The following YME1L1 variants were observed in gnomAD, a reference collection of about 807,000 sequenced individuals.
The protein encoded by YME1L1 is ATP-dependent zinc metalloprotease YME1L1.
Under a neutral mutation model 90.4 loss-of-function variants are expected in YME1L1, and 39 were observed. The observed-to-expected ratio is 0.43, with a 90% confidence interval of 0.33 to 0.56. The LOEUF (loss-of-function observed/expected upper bound fraction) is 0.56. Among genes scored for constraint, YME1L1 ranks in the 20% least tolerant of loss-of-function variants. YME1L1 has a pLI of 0.03. For synonymous variants in YME1L1, 284 were observed against 287.3 expected, an observed-to-expected ratio of 0.99 and a Z score of 0.12; for missense variants, 617 against 868.4, an observed-to-expected ratio of 0.71 and a Z score of 3.64.
At chr10:27,130,696 A>C (rs151160877) in intron 8 of YME1L1, among the ~76,000 whole-genome samples, 47 of 152,278 alleles carry the variant, frequency 3.1e-4, no homozygotes, top group African/African-American at 1.1e-3. Flanking sequence ...TACTAAAAAC[A>C]CAAAAAATTA....
At chr10:27,130,039 T>G (rs2056961128) in intron 8 of YME1L1, among the ~76,000 whole-genome samples, 1 of 152,190 alleles carries the variant, frequency 6.6e-6, no homozygotes, top group African/African-American at 2.4e-5. Context: ...CTATTCCATC[T>G]CATTTCTTTC....
intron 3 of YME1L1, among the ~76,000 whole-genome samples, chr10:27,144,996 C>T (rs985088771): frequency 2.0e-5 from 3 of 152,052 alleles, no homozygotes; most frequent in African/African-American, 7.2e-5. Flanking sequence ...AAAAAATTAG[C>T]CGGGCGTGGT....
chr10:27,111,729 G>A lies in YME1L1; in HGVS notation c.*248C>T. ...AATAACTAATTGACATTCCTCAAAA[G>A]AGCTGTTTTCAATCCTGATAGTTCT... On this transcript the variant is annotated 3_prime_UTR_variant, in exon 19 of 19. Transcript: ENST00000376016. 1.8e-6 allele frequency: 1 copy of A among 562,568 alleles called. No individual in the cohort carries two copies. Among genetic ancestry groups the A allele is most frequent in the Non-Finnish European group, 3.2e-6 (1 of 310,936 alleles). 34.8% of individuals were successfully genotyped at this position (562,568 alleles called of 1,614,324 possible).
In YME1L1 at chr10:27,134,090, C is replaced by T. The variant is rs762357217; in HGVS notation, c.724G>A (p.Val242Ile). 1.1e-5 allele frequency: 18 copies of T among 1,613,082 alleles called. No homozygotes were observed. Among genetic ancestry groups the T allele is most frequent in the East Asian group, 2.2e-5 (1 of 44,866 alleles). Residue 242 changes from valine (V) to isoleucine (I), a missense_variant, in exon 7 of 19, where the codon GTT (valine) becomes ATT (isoleucine). Val to Ile is a conservative substitution (Grantham distance 29, BLOSUM62 3). Coordinates refer to ENST00000376016, the MANE Select transcript of YME1L1 (RefSeq NM_014263.4). The stretch of plus-strand genomic sequence containing the variant: ...CCATAAATGCCGAATAGCAGCAGAA[C>T]GAAGAGAATCAGACGGGTTCGCCTT... ...SLRRTRLILF[V>I]LLLFGIYGLL...
intron 5 of YME1L1, among the ~76,000 whole-genome samples, chr10:27,135,406 T>C (rs2057017371): frequency 6.6e-6 from 1 of 152,194 alleles, no homozygotes; most frequent in Non-Finnish European, 1.5e-5. Context: ...AAGTTTTCAG[T>C]CTACTGGAAA....
chr10:27,134,058 T>C lies in YME1L1; in HGVS notation c.756A>G (p.Leu252=). ...VLLLFGIYGL[L]KNPFLSVRFR... ...TTTTACCAGATAAAAATGGGTTTTT[T>C]AGAAGTCCATAAATGCCGAATAGCA... is the stretch of plus-strand genomic sequence containing the variant. The change falls in exon 7 of 19, where the codon CTA becomes CTG. Residue 252 remains leucine, a synonymous_variant. Coordinates refer to ENST00000376016, the MANE Select transcript of YME1L1 (RefSeq NM_014263.4). 2 of 1,613,328 alleles carry C rather than the reference T, an allele frequency of 1.2e-6. No individual in the cohort carries two copies. The highest frequency in any genetic ancestry group is 1.7e-6 in the Non-Finnish European group (2 of 1,179,808).
intron 1 of YME1L1, 93 bp downstream of exon 1, chr10:27,154,085 A>T: frequency 6.8e-7 from 1 of 1,466,814 alleles, no homozygotes. Flanking sequence ...TCATTTCTAG[A>T]GTCCCTTCTG....
At chr10:27,148,685 C>T (rs868183232) in intron 2 of YME1L1, among the ~76,000 whole-genome samples, 82 of 152,248 alleles carry the variant, frequency 5.4e-4, no homozygotes, top group African/African-American at 1.9e-3. Flanking sequence ...ATACAGTACA[C>T]AATACATAAA....
At chr10:27,112,167 C>G in intron 18 of YME1L1, 47 bp from the exon 19 acceptor site, 2 of 1,550,166 alleles carry the variant, frequency 1.3e-6, no homozygotes, top group Non-Finnish European at 1.7e-6. Context: ...TGCAGGGATG[C>G]GAAAACCAGT....
chr10:27,117,760 TAGAAAGGTATA>T, intron 14 of YME1L1, 33 bp from the exon 15 acceptor site: 2 of 1,605,550 alleles, frequency 1.2e-6, no homozygotes, highest in South Asian at 1.1e-5. Flanking sequence ...AATACTCCAT[TAGAAAGGTATA>T]TTTAAATCAA....
At chr10:27,112,141 C>G (rs1309158016) in intron 18 of YME1L1, 21 bp from the exon 19 acceptor site, 3 of 1,590,300 alleles carry the variant, frequency 1.9e-6, no homozygotes, top group Non-Finnish European at 2.6e-6. Context: ...AAAGGAGATA[C>G]GTAAGCAGCA....
At chr10:27,125,225 AAC>A (rs749302449) in intron 9 of YME1L1, among the ~76,000 whole-genome samples, 3 of 152,156 alleles carry the variant, frequency 2.0e-5, no homozygotes, top group Non-Finnish European at 4.4e-5. Flanking sequence ...AAAAACTGGA[AAC>A]CATATAAAAA....
At chr10:27,143,156 G>A (rs1055575655) in intron 3 of YME1L1, among the ~76,000 whole-genome samples, 4 of 149,114 alleles carry the variant, frequency 2.7e-5, no homozygotes, top group Non-Finnish European at 4.5e-5. Flanking sequence ...GATAACCTGA[G>A]GTTGGGAGTT....
chr10:27,110,242 TTTGG>T lies in YME1L1; in HGVS notation c.*1731_*1734del, dbSNP rs1374730567. On this transcript the variant is annotated 3_prime_UTR_variant, in exon 19 of 19. Coordinates refer to ENST00000376016, the MANE Select transcript of YME1L1 (RefSeq NM_014263.4). ...CATACAGAGAGGGAGACAGAACAGG[TTTGG>T]GGCAATAAAAAACGGGCAGAATGAT... The T allele has an allele frequency of 6.6e-6, 1 of 152,110 alleles. No homozygotes were observed. The highest frequency in any genetic ancestry group is 1.5e-5 in the Non-Finnish European group (1 of 68,016). 9.4% of individuals were successfully genotyped at this position (152,110 alleles called of 1,614,324 possible). A position where few individuals can be genotyped will look rare whatever the true frequency, so the allele number is the denominator to read the frequency against.
At chr10:27,147,183 G>GA in intron 2 of YME1L1, 1 of 576,734 alleles carries the variant, frequency 1.7e-6, no homozygotes, top group Non-Finnish European at 3.1e-6. Flanking sequence ...TCTTATAGAA[G>GA]AAAATGGAGA....
rs2057175276 is a variant in YME1L1 at position 27,148,886 on chromosome 10, C to T, written c.168+20G>A. ...TGTATATCAAAAAGGCTTTCTCACA[C>T]AACCAGGATAAAGACTTACCTCACT... On this transcript the variant is annotated intron_variant, in intron 2 of 18. Transcript: ENST00000376016. 6.2e-7 allele frequency: 1 copy of T among 1,612,762 alleles called. No individual in the cohort carries two copies. Among genetic ancestry groups the T allele is most frequent in the South Asian group, 1.1e-5 (1 of 90,898 alleles).
intron 18 of YME1L1, among the ~76,000 whole-genome samples, chr10:27,113,823 C>G (rs1360998685): frequency 6.7e-6 from 1 of 148,404 alleles, no homozygotes; most frequent in Non-Finnish European, 1.5e-5. Flanking sequence ...GACCCATCCC[C>G]TTAAAAAAAA....
chr10:27,142,370 T>C lies in YME1L1; in HGVS notation c.430+17A>G, dbSNP rs572976002. 4.7e-5 allele frequency: 64 copies of C among 1,359,584 alleles called. No homozygotes were observed. Among genetic ancestry groups the C allele is most frequent in the Non-Finnish European group, 5.7e-5 (58 of 1,021,530 alleles). 84.2% of individuals were successfully genotyped at this position (1,359,584 alleles called of 1,614,324 possible). A position where few individuals can be genotyped will look rare whatever the true frequency, so the allele number is the denominator to read the frequency against. ...TAAATATTTTTTTTTCCACAATTTA[T>C]GGTTGTTGCTTCATACCTGGCCAGT... On this transcript the variant is annotated intron_variant, in intron 4 of 18. Coordinates refer to ENST00000376016, the MANE Select transcript of YME1L1 (RefSeq NM_014263.4).
intron 7 of YME1L1, among the ~76,000 whole-genome samples, chr10:27,133,302 T>C (rs746459526): frequency 6.6e-6 from 1 of 152,200 alleles, no homozygotes; most frequent in Middle Eastern, 3.2e-3. Flanking sequence ...TGGAGAACTA[T>C]TACAAGGATT....
Sources: allele counts gnomAD v4.1 joint callset (sites outside exome capture counted in the v4.1 genomes callset), GRCh38; gene constraint gnomAD v4.1.1; transcripts MANE v1.5; gene names NCBI Gene and HGNC (gene_info 2026-07-23, HGNC 2026-07-21).